PTPN2: variants seen among roughly 807,000 people sequenced by gnomAD.
PTPN2 encodes the protein protein tyrosine phosphatase non-receptor type 2, also known as tyrosine-protein phosphatase non-receptor type 2.
In PTPN2, 19 loss-of-function variants were observed where a neutral mutation model predicts 57.3. That is an observed-to-expected ratio of 0.33 (90% CI 0.23 to 0.49). PTPN2 has a LOEUF of 0.49. PTPN2 is among the 20% of genes least tolerant of loss of function. The pLI is 0.99. For synonymous variants in PTPN2, 153 were observed against 164.9 expected (o/e 0.93, Z 0.55); for missense variants, 358 against 501.1 (o/e 0.71, Z 2.73).
At chr18:12,822,740 T>C (rs1443909336) in intron 5 of PTPN2, among the ~76,000 whole-genome samples, 2 of 152,188 alleles carry the variant, frequency 1.3e-5, no homozygotes, top group Non-Finnish European at 2.9e-5. Flanking sequence ...CCATCATCAC[T>C]TTTTCTCACT....
chr18:12,823,110 T>A (rs2145340907), intron 5 of PTPN2, among the ~76,000 whole-genome samples: 1 of 152,340 alleles, frequency 6.6e-6, no homozygotes, highest in East Asian at 1.9e-4. Flanking sequence ...TGCTACTTTA[T>A]CCTTCTAAAG....
At chr18:12,807,586 A>AAAAAAAAAAAAAAAT in intron 7 of PTPN2, among the ~76,000 whole-genome samples, 2 of 35,200 alleles carry the variant, frequency 5.7e-5, no homozygotes, top group African/African-American at 1.4e-4. Context: ...AAAAAAAAAA[A>AAAAAAAAAAAAAAAT]ATATATATAT....
intron 2 of PTPN2, among the ~76,000 whole-genome samples, chr18:12,857,394 G>C (rs1168980853): frequency 6.6e-6 from 1 of 152,142 alleles, no homozygotes; most frequent in Non-Finnish European, 1.5e-5. Flanking sequence ...TATTGTTTCA[G>C]GTTCCCAGGT....
intron 5 of PTPN2, among the ~76,000 whole-genome samples, 189 bp from the exon 6 acceptor site, chr18:12,817,554 T>C (rs1189373174): frequency 1.3e-5 from 2 of 152,254 alleles, no homozygotes; most frequent in African/African-American, 2.4e-5. Flanking sequence ...AAATTTGTGA[T>C]GTATTAATAA....
chr18:12,859,238 G>A lies in PTPN2; in HGVS notation c.86C>T (p.Ser29Phe), dbSNP rs1266017550. ...GGCCACTCTATGAGGATAGTCATGGGACTCATTTCGAATTTCCTTAAAATA... is the reference window on the plus strand; with the variant it reads ...GGCCACTCTATGAGGATAGTCATGGAACTCATTTCGAATTTCCTTAAAATA... The part of the protein sequence containing the change: ...QPLYLEIRNE[S>F]HDYPHRVAKF... The change falls in exon 2 of 9, where the codon TCC becomes TTC. Residue 29 changes from serine (S) to phenylalanine (F), a missense_variant. Around this residue, in one of 4 missense-constraint regions of PTPN2, gnomAD observed 62 missense variants for 47.9 expected, o/e 1.29. Coordinates refer to ENST00000309660, the MANE Select transcript of PTPN2 (RefSeq NM_002828.4). 6.2e-7 allele frequency: 1 copy of A among 1,610,826 alleles called. No individual in the cohort carries two copies. Among genetic ancestry groups the A allele is most frequent in the Admixed American group, 1.7e-5 (1 of 59,810 alleles).
intron 1 of PTPN2, among the ~76,000 whole-genome samples, chr18:12,868,499 G>A (rs779754708): frequency 2.6e-5 from 4 of 151,828 alleles, no homozygotes; most frequent in Non-Finnish European, 5.9e-5. Flanking sequence ...CAGGTGATCC[G>A]CCCGCCTTGG....
At chr18:12,823,375 G>C (rs1196100768) in intron 5 of PTPN2, among the ~76,000 whole-genome samples, 1 of 152,106 alleles carries the variant, frequency 6.6e-6, no homozygotes, top group East Asian at 1.9e-4. Context: ...TTATCCCCAT[G>C]TCAAAAGTTA....
intron 1 of PTPN2, among the ~76,000 whole-genome samples, chr18:12,881,940 T>C (rs1024820963): frequency 6.6e-6 from 1 of 152,196 alleles, no homozygotes; most frequent in Admixed American, 6.5e-5. Flanking sequence ...ACAAGCATGT[T>C]ATGAACGAAT....
chr18:12,841,533 T>G (rs756917799), intron 2 of PTPN2, among the ~76,000 whole-genome samples: 45 of 152,232 alleles, frequency 3.0e-4, no homozygotes, highest in African/African-American at 1.0e-3. Flanking sequence ...TAAAGAGTAT[T>G]TCCAAGGTAG....
rs12958475 is a variant in PTPN2, at chr18:12,870,273, G to A, written c.70-11019C>T. On this transcript the variant is annotated intron_variant, in intron 1 of 8. Coordinates refer to ENST00000309660, the MANE Select transcript of PTPN2 (RefSeq NM_002828.4). ...TTAACTTTAGCATATATATATATAT[G>A]TATATATATACATATACATATATAT... 5.6e-4 allele frequency among the ~76,000 whole-genome samples: 46 copies of A among 81,700 alleles called. 3 individuals carry two copies. The highest frequency in any genetic ancestry group is 2.7e-3 in the African/African-American group (38 of 14,220). The allele number at this position is 81,700 out of a possible 152,430, so 53.6% of individuals were successfully genotyped here.
chr18:12,844,560 C>T (rs903963672), intron 2 of PTPN2, among the ~76,000 whole-genome samples: 1 of 152,142 alleles, frequency 6.6e-6, no homozygotes, highest in Non-Finnish European at 1.5e-5. Flanking sequence ...GGCTTATCTG[C>T]CATCTGTGTC....
At position 12,815,133 on chromosome 18, in the gene PTPN2, T is replaced by TAAAAAAAA. The variant is rs750610956; in HGVS notation, c.706-779_706-778insTTTTTTTT. Among the ~76,000 whole-genome samples, 51 of 140,352 alleles carry TAAAAAAAA rather than the reference T, an allele frequency of 3.6e-4. 1 individual carries two copies. The highest frequency in any genetic ancestry group is 7.2e-4 in the Non-Finnish European group (47 of 64,858). 92.1% of individuals were successfully genotyped at this position (140,352 alleles called of 152,430 possible). Reference sequence around the variant, plus strand: ...ATAAATAAATAAATAAATAAATAAATAAAAATGTGGTGGGTCACACCTGTA... The same window carrying TAAAAAAAA: ...ATAAATAAATAAATAAATAAATAAATAAAAAAAAAAAAATGTGGTGGGTCACACCTGTA... On this transcript the variant is annotated intron_variant, in intron 6 of 8. Coordinates refer to ENST00000309660, the MANE Select transcript of PTPN2 (RefSeq NM_002828.4).
chr18:12,870,375 ATATATATACG>A (rs2044183034), intron 1 of PTPN2, among the ~76,000 whole-genome samples: 2 of 56,998 alleles, frequency 3.5e-5, no homozygotes, highest in African/African-American at 1.2e-4. Context: ...GTATATATAC[ATATATATACG>A]TATATATGTA....
chr18:12,822,700 C>T (rs541500930), intron 5 of PTPN2, among the ~76,000 whole-genome samples: 3 of 152,252 alleles, frequency 2.0e-5, no homozygotes, highest in African/African-American at 2.4e-5. Flanking sequence ...CAGAGATCTG[C>T]GTGTTGAGAT....
At chr18:12,855,021 C>T (rs1367165216) in intron 2 of PTPN2, among the ~76,000 whole-genome samples, 1 of 152,080 alleles carries the variant, frequency 6.6e-6, no homozygotes, top group East Asian at 1.9e-4. Flanking sequence ...CGTCATGGCT[C>T]GTGCCTGTAA....
At chr18:12,807,566 T>TG (rs1417091671) in intron 7 of PTPN2, among the ~76,000 whole-genome samples, 255 of 17,392 alleles carry the variant, frequency 0.015, 1 homozygote, top group Non-Finnish European at 0.028. Context: ...AAAGAAAATG[T>TG]GGAAAAAAAA....
At chr18:12,882,761 G>A (rs557774112) in intron 1 of PTPN2, among the ~76,000 whole-genome samples, 1 of 152,294 alleles carries the variant, frequency 6.6e-6, no homozygotes, top group South Asian at 2.1e-4. Flanking sequence ...ATGTGTTCAA[G>A]AAGAAAACGT....
chr18:12,799,653 C>T (rs1237764420), intron 8 of PTPN2, among the ~76,000 whole-genome samples: 3 of 150,764 alleles, frequency 2.0e-5, no homozygotes, highest in South Asian at 4.2e-4. Flanking sequence ...GTTATGATCT[C>T]GGCTCACTGC....
intron 3 of PTPN2, among the ~76,000 whole-genome samples, chr18:12,836,447 T>C (rs2145396945): frequency 6.6e-6 from 1 of 152,270 alleles, no homozygotes; most frequent in East Asian, 1.9e-4. Context: ...GGCCTCTGGT[T>C]TTGCCACAGG....
Sources: gnomAD v4.1 joint callset for allele counts (sites outside exome capture counted in the v4.1 genomes callset) on GRCh38, gnomAD v4.1.1 for gene constraint, gnomAD v4.1.1 regional missense constraint, MANE v1.5 for transcripts, NCBI Gene and HGNC (gene_info 2026-07-23, HGNC 2026-07-21) for gene names.